ELMO1: variants seen among roughly 807,000 people sequenced by gnomAD.
The protein encoded by ELMO1 is engulfment and cell motility 1, also known as engulfment and cell motility protein 1.
A neutral mutation model predicts 98.9 loss-of-function variants in ELMO1; 26 were observed. The observed-to-expected ratio is 0.26, with a 90% CI of 0.19 to 0.36. The LOEUF (loss-of-function observed/expected upper bound fraction) is 0.36, where lower values mean the gene tolerates loss of function less well. ELMO1 is among the 10% of genes least tolerant of loss of function. The pLI, the probability that ELMO1 is intolerant of heterozygous loss-of-function variation, is 1.00. For missense variants in ELMO1, 627 were observed against 935.2 expected (o/e 0.67, Z 4.30); for synonymous variants, 346 against 346.0 (o/e 1.00, Z 0.00).
At position 37,293,146 on chromosome 7, in the gene ELMO1, C is replaced by T. The variant is rs1466772633; in HGVS notation, c.193-21264G>A. On this transcript the variant is annotated intron_variant, in intron 4 of 21. Transcript: ENST00000310758. ...GCCACCCCGTCTGGGAGGTGAGGGGCGCCTCTGCCTGGCCGCGCCTACTGG... is the reference window on the plus strand; with the variant it reads ...GCCACCCCGTCTGGGAGGTGAGGGGTGCCTCTGCCTGGCCGCGCCTACTGG... Among the ~76,000 whole-genome samples, 7 of 56,358 alleles carry T rather than the reference C, an allele frequency of 1.2e-4. 1 individual carries two copies. The highest frequency in any genetic ancestry group is 2.8e-4 in the African/African-American group (7 of 24,678). The allele number at this position is 56,358 out of a possible 152,430, so 37.0% of individuals were successfully genotyped here.
intron 1 of ELMO1, among the ~76,000 whole-genome samples, chr7:37,423,659 A>AT (rs1804580123): frequency 1.3e-5 from 2 of 151,844 alleles, no homozygotes; most frequent in South Asian, 2.1e-4. Flanking sequence ...ATTGATTCTT[A>AT]TTTTTTTTAT....
intron 1 of ELMO1, among the ~76,000 whole-genome samples, chr7:37,434,870 C>A (rs576235029): frequency 1.3e-5 from 2 of 152,310 alleles, no homozygotes; most frequent in East Asian, 3.9e-4. Context: ...GTTGTAGGCG[C>A]CCTGAGCATC....
chr7:37,119,810 C>T (rs999625498), intron 14 of ELMO1, among the ~76,000 whole-genome samples: 1 of 152,110 alleles, frequency 6.6e-6, no homozygotes, highest in African/African-American at 2.4e-5. Flanking sequence ...TTTCTATTCT[C>T]CCCCCTCAGG....
intron 1 of ELMO1, among the ~76,000 whole-genome samples, chr7:37,345,176 A>G (rs975443762): frequency 2.6e-5 from 4 of 152,242 alleles, no homozygotes; most frequent in Admixed American, 1.3e-4. Flanking sequence ...GAGCAAATCT[A>G]CAAAGCAGTG....
At chr7:37,163,564 T>C (rs1486566507) in intron 13 of ELMO1, among the ~76,000 whole-genome samples, 1 of 149,814 alleles carries the variant, frequency 6.7e-6, no homozygotes, top group Admixed American at 6.6e-5. Flanking sequence ...CATTGTTCAA[T>C]TCCCACCTAT....
intron 1 of ELMO1, among the ~76,000 whole-genome samples, chr7:37,440,060 G>A (rs115640852): frequency 6.6e-5 from 10 of 151,610 alleles, no homozygotes; most frequent in African/African-American, 2.2e-4. Flanking sequence ...TCAAAGAATC[G>A]GTCCCACTCC....
chr7:37,080,280 T>A lies in ELMO1; in HGVS notation c.1300+16339A>T, dbSNP rs576976285. Among the ~76,000 whole-genome samples, 46 of 152,314 alleles carry A rather than the reference T, an allele frequency of 3.0e-4. No individual in the cohort carries two copies. The South Asian group carries it at 7.5e-3, about 25-fold the overall frequency. On this transcript the variant is annotated intron_variant, in intron 15 of 21. Transcript: ENST00000310758. The stretch of plus-strand genomic sequence containing the variant: ...TAACTTGCTCTCCCACAGTCTAATC[T>A]CAATACATGAGCCACACAATTCTTT...
At chr7:37,021,920 G>A (rs1029844669) in intron 15 of ELMO1, among the ~76,000 whole-genome samples, 1 of 152,116 alleles carries the variant, frequency 6.6e-6, no homozygotes, top group Non-Finnish European at 1.5e-5. Flanking sequence ...TTGGTGTATG[G>A]ATGGAAAAAC....
intron 2 of ELMO1, among the ~76,000 whole-genome samples, chr7:37,325,431 C>T (rs1440012755): frequency 1.3e-5 from 2 of 152,116 alleles, no homozygotes. Flanking sequence ...TTCCTGACTG[C>T]CATGGAGGCT....
intron 16 of ELMO1, among the ~76,000 whole-genome samples, chr7:36,991,389 A>T (rs11979540): frequency 6.6e-6 from 1 of 152,236 alleles, no homozygotes; most frequent in South Asian, 2.1e-4. Context: ...CTCTTCCCCA[A>T]TGGGTCAGAG....
At chr7:37,259,061 C>T in intron 6 of ELMO1, 120 bp downstream of exon 6, 1 of 1,179,650 alleles carries the variant, frequency 8.5e-7, no homozygotes, top group Non-Finnish European at 1.1e-6. Context: ...CTATTTTTTT[C>T]CTGAGTCTAA....
At position 37,402,648 on chromosome 7, in the gene ELMO1, T is replaced by C. The variant is rs149571595; in HGVS notation, c.-74+46027A>G. 2.8e-4 allele frequency among the ~76,000 whole-genome samples: 42 copies of C among 152,318 alleles called. No individual in the cohort carries two copies. The East Asian group carries it at 6.8e-3, about 25-fold the overall frequency. ...GCTATTTAATGAATCTGAAGCCATC[T>C]GATCCCTGACTTCTGGTTAAGTAAA... On this transcript the variant is annotated intron_variant, in intron 1 of 21. Coordinates refer to ENST00000310758, the MANE Select transcript of ELMO1 (RefSeq NM_014800.11).
At chr7:37,193,742 G>A (rs1354938019) in intron 13 of ELMO1, among the ~76,000 whole-genome samples, 1 of 152,130 alleles carries the variant, frequency 6.6e-6, no homozygotes, top group African/African-American at 2.4e-5. Context: ...AAACAAATCA[G>A]AGTCCCTGCG....
chr7:37,131,135 C>T lies in ELMO1; in HGVS notation c.1191+1995G>A, dbSNP rs143866240. Among the ~76,000 whole-genome samples, 468 of 152,036 alleles carry T rather than the reference C, an allele frequency of 3.1e-3. 1 individual carries two copies. Among genetic ancestry groups the T allele is most frequent in the Middle Eastern group, 6.8e-3 (2 of 294 alleles). On this transcript the variant is annotated intron_variant, in intron 14 of 21. Coordinates refer to ENST00000310758, the MANE Select transcript of ELMO1 (RefSeq NM_014800.11). ...CAGAGATCTTCAGAATTTATATATG[C>T]TCTACTAACCCCATGCATTCACATA...
intron 13 of ELMO1, among the ~76,000 whole-genome samples, chr7:37,134,706 C>T (rs2541100): frequency 0.22 from 32,785 of 152,036 alleles, 5,563 homozygotes; most frequent in African/African-American, 0.47. Flanking sequence ...GTAGTACATA[C>T]ACATAATGGG....
intron 15 of ELMO1, among the ~76,000 whole-genome samples, chr7:37,085,884 C>T (rs1418846374): frequency 6.6e-6 from 1 of 152,146 alleles, no homozygotes; most frequent in Non-Finnish European, 1.5e-5. Context: ...ATGCTTGTAT[C>T]CTGAATTTAA....
intron 6 of ELMO1, among the ~76,000 whole-genome samples, chr7:37,246,420 T>A (rs1795008405): frequency 6.6e-6 from 1 of 152,160 alleles, no homozygotes; most frequent in African/African-American, 2.4e-5. Context: ...AGTATTATAG[T>A]GGAGACATCT....
intron 1 of ELMO1, among the ~76,000 whole-genome samples, chr7:37,381,472 C>A (rs1425381589): frequency 6.6e-6 from 1 of 152,182 alleles, no homozygotes; most frequent in African/African-American, 2.4e-5. Context: ...TAATATACAA[C>A]CCTGCACTAA....
intron 20 of ELMO1, among the ~76,000 whole-genome samples, chr7:36,864,739 C>A (rs1241603246): frequency 6.6e-6 from 1 of 152,216 alleles, no homozygotes; most frequent in Admixed American, 6.5e-5. Context: ...CCTCCACACA[C>A]CACAACACTC....
Sources: allele counts gnomAD v4.1 joint callset (sites outside exome capture counted in the v4.1 genomes callset), GRCh38; gene constraint gnomAD v4.1.1; transcripts MANE v1.5; gene names NCBI Gene and HGNC (gene_info 2026-07-23, HGNC 2026-07-21).